FAM241A: variants seen among roughly 807,000 people sequenced by gnomAD.
FAM241A encodes the protein uncharacterized protein FAM241A.
In FAM241A, 7 loss-of-function variants were observed where a neutral mutation model predicts 12.2. That is an observed-to-expected ratio of 0.58 (90% CI 0.33 to 1.08). The LOEUF (loss-of-function observed/expected upper bound fraction) is 1.08. FAM241A is among the 50% of genes least tolerant of loss of function. The probability of loss-of-function intolerance (pLI) is 0.04; values close to 1 mark genes in which losing one functional copy is unlikely to be tolerated. For missense variants in FAM241A, 161 were observed against 169.7 expected, an observed-to-expected ratio of 0.95 and a Z score of 0.29; for synonymous variants, 74 against 68.2, an observed-to-expected ratio of 1.08 and a Z score of -0.42.
At chr4:112,164,667 C>T (rs551636300) in intron 1 of FAM241A, among the ~76,000 whole-genome samples, 1 of 152,122 alleles carries the variant, frequency 6.6e-6, no homozygotes, top group East Asian at 1.9e-4. Flanking sequence ...AGTGAAGATA[C>T]AACCCATAGA....
intron 1 of FAM241A, among the ~76,000 whole-genome samples, chr4:112,173,186 G>A (rs1450098160): frequency 1.3e-5 from 2 of 152,174 alleles, no homozygotes; most frequent in African/African-American, 4.8e-5. Flanking sequence ...ACTATGCCCA[G>A]CCCTGCCAGA....
intron 1 of FAM241A, among the ~76,000 whole-genome samples, chr4:112,149,078 CTCTATTT>C (rs1723194876): frequency 9.5e-5 from 1 of 10,518 alleles, no homozygotes; most frequent in Non-Finnish European, 1.6e-4. Flanking sequence ...TGAAATCCCA[CTCTATTT>C]TGGGATTTTG....
intron 1 of FAM241A, among the ~76,000 whole-genome samples, chr4:112,163,589 T>A (rs563006195): frequency 6.6e-6 from 1 of 152,222 alleles, no homozygotes; most frequent in East Asian, 1.9e-4. Flanking sequence ...ATCAGAGAAA[T>A]GCAAATCAAA....
In FAM241A at chr4:112,186,845, C is replaced by CA; in HGVS notation, c.307dup (p.Ile103AsnfsTer43). The CA allele has an allele frequency of 6.2e-7, 1 of 1,614,004 alleles. No homozygotes were observed. The highest frequency in any genetic ancestry group is 8.5e-7 in the Non-Finnish European group (1 of 1,179,968). ...AACGAATAGTGGAACCAGTAATAGT[C>CA]ATTTTCTTTTGGGTTATGCTGTGGT... On this transcript the variant is annotated frameshift_variant, in exon 2 of 2. Transcript: ENST00000309733. LOFTEE classifies it high-confidence loss of function.
intron 1 of FAM241A, among the ~76,000 whole-genome samples, chr4:112,154,621 G>C (rs1322495614): frequency 6.6e-6 from 1 of 151,984 alleles, no homozygotes; most frequent in Non-Finnish European, 1.5e-5. Flanking sequence ...CTAGCATATT[G>C]TCCTGCATAT....
intron 1 of FAM241A, among the ~76,000 whole-genome samples, chr4:112,151,382 A>T (rs1723242194): frequency 6.6e-6 from 1 of 152,206 alleles, no homozygotes; most frequent in Admixed American, 6.5e-5. Context: ...CTGCAGAACC[A>T]TGAGCCAAAT....
At chr4:112,170,590 A>G (rs1723698698) in intron 1 of FAM241A, among the ~76,000 whole-genome samples, 1 of 152,220 alleles carries the variant, frequency 6.6e-6, no homozygotes, top group African/African-American at 2.4e-5. Context: ...GCATGGATAC[A>G]CTGGACAAAA....
intron 1 of FAM241A, among the ~76,000 whole-genome samples, chr4:112,185,523 C>G (rs540127166): frequency 3.4e-4 from 51 of 152,146 alleles, no homozygotes; most frequent in South Asian, 2.1e-4. Context: ...AAAATATCAC[C>G]AAGACAACCA....
At chr4:112,184,625 A>G (rs1341957036) in intron 1 of FAM241A, among the ~76,000 whole-genome samples, 3 of 152,176 alleles carry the variant, frequency 2.0e-5, no homozygotes, top group Non-Finnish European at 2.9e-5. Flanking sequence ...TCATTTTTCT[A>G]CTACCTCATC....
Position 112,189,186 on chromosome 4 carries a change from C to A in FAM241A, c.*2248C>A, listed in dbSNP as rs1724109210. 1 of 151,594 alleles carries A rather than the reference C, an allele frequency of 6.6e-6. No homozygotes were observed. The highest frequency in any genetic ancestry group is 1.5e-5 in the Non-Finnish European group (1 of 67,918). 9.4% of individuals were successfully genotyped at this position (151,594 alleles called of 1,614,324 possible). A position where few individuals can be genotyped will look rare whatever the true frequency, so the allele number is the denominator to read the frequency against. On this transcript the variant is annotated 3_prime_UTR_variant, in exon 2 of 2. Transcript: ENST00000309733. ...GGATCACAAGGTCAGGAGATCGAGACCTTCCTGGCTAACATGGTGAAACCC... is the reference window on the plus strand; with the variant it reads ...GGATCACAAGGTCAGGAGATCGAGAACTTCCTGGCTAACATGGTGAAACCC...
At chr4:112,160,545 GA>G (rs1184542151) in intron 1 of FAM241A, among the ~76,000 whole-genome samples, 1 of 152,004 alleles carries the variant, frequency 6.6e-6, no homozygotes, top group Non-Finnish European at 1.5e-5. Context: ...CACAGAAATA[GA>G]AAAAACATTC....
rs756554972 is a variant in FAM241A at position 112,192,293 on chromosome 4, T to C, written c.*5355T>C. On this transcript the variant is annotated 3_prime_UTR_variant, in exon 2 of 2. Coordinates refer to ENST00000309733, the MANE Select transcript of FAM241A (RefSeq NM_152400.3). The stretch of plus-strand genomic sequence containing the variant: ...CTACCAGAACTTCACTTTTGTTCAG[T>C]ATTTTTTAATAGACCTTTATTTACT... 3.9e-5 allele frequency: 6 copies of C among 152,198 alleles called. No individual in the cohort carries two copies. Among genetic ancestry groups the C allele is most frequent in the Non-Finnish European group, 7.3e-5 (5 of 68,036 alleles). 9.4% of individuals were successfully genotyped at this position (152,198 alleles called of 1,614,324 possible). A position where few individuals can be genotyped will look rare whatever the true frequency, so the allele number is the denominator to read the frequency against.
chr4:112,163,553 T>G (rs1723526594), intron 1 of FAM241A, among the ~76,000 whole-genome samples: 1 of 151,978 alleles, frequency 6.6e-6, no homozygotes, highest in Admixed American at 6.5e-5. Flanking sequence ...AAAAGACACA[T>G]GAAAAAATGC....
chr4:112,149,700 G>A (rs919141054), intron 1 of FAM241A, among the ~76,000 whole-genome samples: 4 of 152,280 alleles, frequency 2.6e-5, no homozygotes, highest in African/African-American at 7.2e-5. Flanking sequence ...GAACAATATA[G>A]TTTATAATCA....
chr4:112,163,642 A>G (rs935056997), intron 1 of FAM241A, among the ~76,000 whole-genome samples: 37 of 152,376 alleles, frequency 2.4e-4, no homozygotes, highest in African/African-American at 7.0e-4. Context: ...AATGACGATT[A>G]TTAAAAAGTT....
intron 1 of FAM241A, among the ~76,000 whole-genome samples, chr4:112,177,989 C>T (rs1247706549): frequency 1.3e-5 from 2 of 151,910 alleles, no homozygotes; most frequent in Non-Finnish European, 2.9e-5. Flanking sequence ...TCCATTGTTC[C>T]TTCAGCAAAT....
intron 1 of FAM241A, among the ~76,000 whole-genome samples, chr4:112,148,287 C>CA (rs1373942925): frequency 2.6e-5 from 4 of 152,068 alleles, no homozygotes; most frequent in African/African-American, 9.7e-5. Flanking sequence ...AAAGCTCTTT[C>CA]ATCAGCTTGT....
rs910076247 is a variant in FAM241A at position 112,192,240 on chromosome 4, T to C, written c.*5302T>C. Reference sequence around the variant, plus strand: ...TGATTCACTATTTTTCCAAAAAGGATATTTTACAATACCTACGGTCACTGA... The same window carrying C: ...TGATTCACTATTTTTCCAAAAAGGACATTTTACAATACCTACGGTCACTGA... On this transcript the variant is annotated 3_prime_UTR_variant, in exon 2 of 2. Transcript: ENST00000309733. 3.9e-5 allele frequency: 6 copies of C among 152,198 alleles called. No individual in the cohort carries two copies. 9.4% of individuals were successfully genotyped at this position (152,198 alleles called of 1,614,324 possible). A position where few individuals can be genotyped will look rare whatever the true frequency, so the allele number is the denominator to read the frequency against.
Position 112,191,608 on chromosome 4 carries a change from A to AGACATGAAGTCCTTGCC in FAM241A, c.*4670_*4671insGACATGAAGTCCTTGCC. 1 of 151,778 alleles carries AGACATGAAGTCCTTGCC rather than the reference A, an allele frequency of 6.6e-6. No individual in the cohort carries two copies. The highest frequency in any genetic ancestry group is 2.4e-5 in the African/African-American group (1 of 41,044). The allele number at this position is 151,778 out of a possible 1,614,324, so 9.4% of individuals were successfully genotyped here. A position where few individuals can be genotyped will look rare whatever the true frequency, so the allele number is the denominator to read the frequency against. On this transcript the variant is annotated 3_prime_UTR_variant, in exon 2 of 2. Coordinates refer to ENST00000309733, the MANE Select transcript of FAM241A (RefSeq NM_152400.3). ...TGCTTTCTTACTTCCAGAACTTTGT[A>AGACATGAAGTCCTTGCC]CATGCTTTACTTCTTTAACTGCTCC...
Sources: gnomAD v4.1 joint callset for allele counts (sites outside exome capture counted in the v4.1 genomes callset) on GRCh38, gnomAD v4.1.1 for gene constraint, MANE v1.5 for transcripts, NCBI Gene and HGNC (gene_info 2026-07-23, HGNC 2026-07-21) for gene names.